SMARCC1: variants seen among roughly 807,000 people sequenced by gnomAD.
The protein encoded by SMARCC1 is SWI/SNF related BAF chromatin remodeling complex subunit C1.
A neutral mutation model predicts 147.4 loss-of-function variants in SMARCC1; 43 were observed. The ratio of observed to expected loss-of-function variants is 0.29; its 90% CI spans 0.23 to 0.38. SMARCC1 has a LOEUF of 0.38. Among genes scored for constraint, SMARCC1 ranks in the 10% least tolerant of loss-of-function variants. SMARCC1 has a pLI of 1.00. For missense variants in SMARCC1, 1,119 were observed against 1,381.1 expected (o/e 0.81, Z 3.01); for synonymous variants, 495 against 484.4 (o/e 1.02, Z -0.29).
intron 3 of SMARCC1, 30 bp downstream of exon 3, chr3:47,745,878 C>T: frequency 7.4e-7 from 1 of 1,348,694 alleles, no homozygotes; most frequent in Non-Finnish European, 1.0e-6. Context: ...AACTTAAGAT[C>T]AAAACATGCA....
intron 10 of SMARCC1, among the ~76,000 whole-genome samples, chr3:47,706,120 C>A (rs987630773): frequency 2.6e-5 from 4 of 151,902 alleles, no homozygotes; most frequent in Non-Finnish European, 5.9e-5. Flanking sequence ...AAACTTCTTA[C>A]CAGTCATGCT....
At chr3:47,759,337 A>T (rs2034743325) in intron 2 of SMARCC1, among the ~76,000 whole-genome samples, 1 of 151,030 alleles carries the variant, frequency 6.6e-6, no homozygotes, top group Non-Finnish European at 1.5e-5. Context: ...AGCAAAAAAA[A>T]TTAGGCTGGG....
chr3:47,660,530 A>G (rs1159530396), intron 21 of SMARCC1, among the ~76,000 whole-genome samples: 1 of 152,124 alleles, frequency 6.6e-6, no homozygotes, highest in Non-Finnish European at 1.5e-5. Context: ...TATCCACACA[A>G]AGAAATAATC....
At chr3:47,755,901 A>G (rs2034691544) in intron 2 of SMARCC1, among the ~76,000 whole-genome samples, 2 of 144,176 alleles carry the variant, frequency 1.4e-5, no homozygotes, top group South Asian at 4.7e-4. Flanking sequence ...GAGGCAAGGG[A>G]ATCGCTTGAA....
chr3:47,706,663 C>T (rs895250329), intron 9 of SMARCC1, 133 bp from the exon 10 acceptor site: 1 of 772,270 alleles, frequency 1.3e-6, no homozygotes, highest in African/African-American at 1.8e-5. Flanking sequence ...AAAAGAATAT[C>T]ATTAATCATC....
At chr3:47,644,591 CCT>C (rs1422456867) in intron 21 of SMARCC1, among the ~76,000 whole-genome samples, 17 of 152,114 alleles carry the variant, frequency 1.1e-4, no homozygotes, top group Admixed American at 3.9e-4. Flanking sequence ...CACTGCAACC[CCT>C]GTCTCCCAGG....
At chr3:47,777,532 T>C (rs918991040) in intron 1 of SMARCC1, among the ~76,000 whole-genome samples, 1 of 151,930 alleles carries the variant, frequency 6.6e-6, no homozygotes, top group African/African-American at 2.4e-5. Context: ...TGTCTCTATT[T>C]ATGTATTTAT....
At chr3:47,671,661 T>C (rs941294279) in intron 18 of SMARCC1, among the ~76,000 whole-genome samples, 7 of 152,244 alleles carry the variant, frequency 4.6e-5, no homozygotes, top group African/African-American at 1.7e-4. Flanking sequence ...CATACTTCTT[T>C]ATCTGCAGAC....
intron 6 of SMARCC1, among the ~76,000 whole-genome samples, chr3:47,722,624 A>G (rs2034247055): frequency 1.3e-5 from 2 of 152,162 alleles, no homozygotes; most frequent in African/African-American, 2.4e-5. Flanking sequence ...TATCAAGACA[A>G]TTTTTTTAAT....
Position 47,635,257 on chromosome 3 carries a change from T to C in SMARCC1, c.2579A>G (p.Glu860Gly). Reference sequence around the variant, plus strand: ...TGTGGCAACATTTCCTTCGGAAATTTCATGTTCTACTTTCTTCTTCCCAGT... The same window carrying C: ...TGTGGCAACATTTCCTTCGGAAATTCCATGTTCTACTTTCTTCTTCCCAGT... ...SDTGKKKVEH[E>G]ISEGNVATAA... is the part of the protein sequence containing the mutation. The change falls in exon 24 of 28, where the codon GAA becomes GGA. Residue 860 changes from glutamate to glycine, a missense_variant. Glu to Gly is a moderately conservative substitution (Grantham distance 98). Transcript: ENST00000254480. The C allele has an allele frequency of 6.2e-7, 1 of 1,613,782 alleles. No individual in the cohort carries two copies. The highest frequency in any genetic ancestry group is 8.5e-7 in the Non-Finnish European group (1 of 1,179,890).
At position 47,714,460 on chromosome 3, in the gene SMARCC1, A is replaced by G; in HGVS notation, c.747T>C (p.Val249=). 2 of 1,592,454 alleles carry G rather than the reference A, an allele frequency of 1.3e-6. No homozygotes were observed. Among genetic ancestry groups the G allele is most frequent in the Non-Finnish European group, 1.7e-6 (2 of 1,161,606 alleles). The change falls in exon 8 of 28, where the codon GTT becomes GTC. Residue 249 remains valine (V), a synonymous_variant. Transcript: ENST00000254480. ...TTGGTGGATCTTCAATTTCAGCATCAACATCATTACTATGGACCCAAGTAT... is the reference window on the plus strand; with the variant it reads ...TTGGTGGATCTTCAATTTCAGCATCGACATCATTACTATGGACCCAAGTAT... The part of the protein sequence containing the change: ...SYDTWVHSND[V]DAEIEDPPIP...
In SMARCC1 at chr3:47,670,411, C is replaced by G. The variant is rs2033479447; in HGVS notation, c.1899+247G>C. ...ACCAGCCTGGACAACATGGTGAAAGCCCATTGCTACAAAAAATACAAAAAT... is the reference window on the plus strand; with the variant it reads ...ACCAGCCTGGACAACATGGTGAAAGGCCATTGCTACAAAAAATACAAAAAT... On this transcript the variant is annotated intron_variant, in intron 19 of 27. Transcript: ENST00000254480. The G allele has an allele frequency of 6.1e-6, 3 of 488,052 alleles. No homozygotes were observed. The South Asian group carries it at 9.3e-5, about 15-fold the overall frequency. 30.2% of individuals were successfully genotyped at this position (488,052 alleles called of 1,614,324 possible). A position where few individuals can be genotyped will look rare whatever the true frequency, so the allele number is the denominator to read the frequency against.
intron 21 of SMARCC1, among the ~76,000 whole-genome samples, chr3:47,660,050 C>T (rs747852648): frequency 1.3e-5 from 2 of 152,168 alleles, no homozygotes; most frequent in African/African-American, 4.8e-5. Flanking sequence ...CTCAGCAATT[C>T]TACCCCTAGG....
chr3:47,664,585 C>T (rs2033398746), intron 19 of SMARCC1, among the ~76,000 whole-genome samples: 1 of 152,146 alleles, frequency 6.6e-6, no homozygotes, highest in African/African-American at 2.4e-5. Flanking sequence ...AAGAAAACCA[C>T]AACTATGTGG....
At chr3:47,712,354 G>C (rs1441354676) in intron 8 of SMARCC1, among the ~76,000 whole-genome samples, 3 of 151,374 alleles carry the variant, frequency 2.0e-5, no homozygotes, top group African/African-American at 7.3e-5. Flanking sequence ...TGATAGTTTA[G>C]AAAATAAATG....
chr3:47,680,141 G>T, intron 15 of SMARCC1: 1 of 259,908 alleles, frequency 3.8e-6, no homozygotes. Flanking sequence ...AGGATCCTTT[G>T]AGTTCAGGGG....
chr3:47,632,304 AAAAAT>A (rs2032902395), intron 24 of SMARCC1, among the ~76,000 whole-genome samples: 1 of 152,272 alleles, frequency 6.6e-6, no homozygotes, highest in Non-Finnish European at 1.5e-5. Flanking sequence ...AACTTAAAAA[AAAAAT>A]TTTTTTTTTG....
At chr3:47,725,015 G>A (rs1439434331) in intron 6 of SMARCC1, among the ~76,000 whole-genome samples, 4 of 11,216 alleles carry the variant, frequency 3.6e-4, no homozygotes, top group Non-Finnish European at 5.1e-4. Context: ...CTAGGTAACA[G>A]AAAAAGACTG....
intron 7 of SMARCC1, among the ~76,000 whole-genome samples, chr3:47,718,487 T>C (rs924272897): frequency 6.6e-6 from 1 of 152,024 alleles, no homozygotes; most frequent in Non-Finnish European, 1.5e-5. Context: ...AAAACACTTA[T>C]GATTCAAATG....
Sources: gnomAD v4.1 joint callset for allele counts (sites outside exome capture counted in the v4.1 genomes callset) on GRCh38, gnomAD v4.1.1 for gene constraint, MANE v1.5 for transcripts, NCBI Gene and HGNC (gene_info 2026-07-23, HGNC 2026-07-21) for gene names.